The following MBOAT1 variants were observed in gnomAD, a reference collection of about 807,000 sequenced individuals.
MBOAT1 encodes membrane-bound glycerophospholipid O-acyltransferase 1.
MBOAT1 carries 67 observed loss-of-function variants against 64.4 expected under a neutral mutation model. The observed-to-expected ratio is 1.04, with a 90% CI of 0.85 to 1.27. The LOEUF (loss-of-function observed/expected upper bound fraction) is 1.27. Among genes scored for constraint, MBOAT1 ranks in the 50% most tolerant of loss-of-function variants. The pLI is 0.00. For synonymous variants in MBOAT1, 229 were observed against 218.9 expected (o/e 1.05, Z -0.41); for missense variants, 563 against 604.6 (o/e 0.93, Z 0.72).
At position 20,187,066 on chromosome 6, in the gene MBOAT1, C is replaced by T. The variant is rs141603882; in HGVS notation, c.99+25070G>A. The stretch of plus-strand genomic sequence containing the variant: ...TTTGACTACCATGACTTGCTCGTTC[C>T]GATATTAAAGTCCTCCCAAAGACAT... On this transcript the variant is annotated intron_variant, in intron 1 of 12. Coordinates refer to ENST00000324607, the MANE Select transcript of MBOAT1 (RefSeq NM_001080480.3). Among the ~76,000 whole-genome samples the T allele has an allele frequency of 1.2e-3, 177 of 152,248 alleles. 3 individuals are homozygous for T. The highest frequency in any genetic ancestry group is 3.7e-3 in the African/African-American group (153 of 41,542).
intron 1 of MBOAT1, among the ~76,000 whole-genome samples, chr6:20,160,353 T>G (rs1462091814): frequency 1.3e-5 from 2 of 152,176 alleles, no homozygotes; most frequent in Non-Finnish European, 2.9e-5. Flanking sequence ...TAGCAAATAT[T>G]AACGGTCCAA....
chr6:20,193,694 C>T (rs192873975), intron 1 of MBOAT1, among the ~76,000 whole-genome samples: 50 of 151,268 alleles, frequency 3.3e-4, no homozygotes, highest in Admixed American at 6.6e-4. Context: ...GCAACCTCTG[C>T]CTCCCGAGTT....
rs760030395 is a variant in MBOAT1 at position 20,144,223 on chromosome 6, G to GA, written c.415dup (p.Ser139PhefsTer20). Reference sequence around the variant, plus strand: ...CTCTCTAATGTAAGATACTTACCCAGAAAAATCCGTAGTGAGAATTCCATA... The same window carrying GA: ...CTCTCTAATGTAAGATACTTACCCAGAAAAAATCCGTAGTGAGAATTCCATA... On this transcript the variant is annotated frameshift_variant, in exon 4 of 13. Coordinates refer to ENST00000324607, the MANE Select transcript of MBOAT1 (RefSeq NM_001080480.3). LOFTEE classifies it high-confidence loss of function. 1.1e-5 allele frequency: 18 copies of GA among 1,606,812 alleles called. No homozygotes were observed. The Admixed American group carries it at 2.7e-4, about 24-fold the overall frequency.
chr6:20,211,162 G>A (rs1763405577), intron 1 of MBOAT1, among the ~76,000 whole-genome samples: 1 of 152,150 alleles, frequency 6.6e-6, no homozygotes, highest in Non-Finnish European at 1.5e-5. Context: ...AAATGTCCAG[G>A]TCTCACTTTC....
intron 4 of MBOAT1, among the ~76,000 whole-genome samples, chr6:20,142,249 C>A (rs1165584026): frequency 6.6e-6 from 1 of 152,128 alleles, no homozygotes; most frequent in South Asian, 2.1e-4. Context: ...GCATTCATTT[C>A]TTGACCACCT....
At chr6:20,211,018 C>A (rs753178249) in intron 1 of MBOAT1, among the ~76,000 whole-genome samples, 1 of 152,148 alleles carries the variant, frequency 6.6e-6, no homozygotes, top group African/African-American at 2.4e-5. Flanking sequence ...GCACCGAAAC[C>A]CTTCCCAAGT....
At chr6:20,131,575 C>T (rs1482270960) in intron 4 of MBOAT1, among the ~76,000 whole-genome samples, 2 of 152,072 alleles carry the variant, frequency 1.3e-5, no homozygotes, top group Non-Finnish European at 2.9e-5. Flanking sequence ...TATAAATTAC[C>T]GAGTCTTGGG....
Position 20,200,412 on chromosome 6 carries a change from T to C in MBOAT1, c.99+11724A>G, listed in dbSNP as rs539508543. 6.6e-5 allele frequency among the ~76,000 whole-genome samples: 10 copies of C among 152,300 alleles called. No individual in the cohort carries two copies. In the South Asian group the frequency reaches 1.0e-3, roughly 16 times the overall value. On this transcript the variant is annotated intron_variant, in intron 1 of 12. Coordinates refer to ENST00000324607, the MANE Select transcript of MBOAT1 (RefSeq NM_001080480.3). ...CCTTCTGCACTAAGGTTGAAGGTCT[T>C]GAAATTCCAGAGCCAAATTGGTCTT...
intron 1 of MBOAT1, among the ~76,000 whole-genome samples, chr6:20,195,242 C>T (rs566804885): frequency 7.4e-4 from 113 of 152,270 alleles, no homozygotes; most frequent in African/African-American, 2.6e-3. Context: ...CATGAGCCAC[C>T]GTGCCAGCCT....
intron 1 of MBOAT1, among the ~76,000 whole-genome samples, chr6:20,193,075 G>A (rs1030401055): frequency 3.0e-5 from 4 of 132,516 alleles, no homozygotes; most frequent in Admixed American, 9.0e-5. Context: ...GCGAGATCTC[G>A]GCTCACTGCA....
intron 1 of MBOAT1, among the ~76,000 whole-genome samples, chr6:20,162,821 AAC>A (rs1435525688): frequency 1.3e-5 from 2 of 152,184 alleles, no homozygotes; most frequent in East Asian, 3.9e-4. Flanking sequence ...CCTTTCCAAC[AAC>A]TGTTCTTTGA....
intron 1 of MBOAT1, among the ~76,000 whole-genome samples, chr6:20,208,941 C>T (rs1272193943): frequency 6.6e-6 from 1 of 152,188 alleles, no homozygotes; most frequent in Non-Finnish European, 1.5e-5. Context: ...ATTATCATAT[C>T]TGTTTTGGCA....
intron 1 of MBOAT1, among the ~76,000 whole-genome samples, chr6:20,179,059 C>A (rs375300322): frequency 1.4e-4 from 21 of 152,040 alleles, no homozygotes; most frequent in African/African-American, 4.6e-4. Context: ...TTAAGCCCAG[C>A]ATTCATTAGT....
chr6:20,137,323 A>G (rs978292020), intron 4 of MBOAT1, among the ~76,000 whole-genome samples: 2 of 152,186 alleles, frequency 1.3e-5, no homozygotes, highest in African/African-American at 4.8e-5. Context: ...ACCATGGCAA[A>G]AGGAAATAAG....
intron 1 of MBOAT1, among the ~76,000 whole-genome samples, chr6:20,190,081 G>A (rs912570226): frequency 2.0e-5 from 3 of 151,764 alleles, no homozygotes; most frequent in African/African-American, 4.8e-5. Context: ...TGCAACCTCC[G>A]CCTCCTGGGT....
At chr6:20,127,842 C>T (rs541750422) in intron 6 of MBOAT1, among the ~76,000 whole-genome samples, 18 of 152,232 alleles carry the variant, frequency 1.2e-4, no homozygotes, top group African/African-American at 3.1e-4. Context: ...CACCCGCAAC[C>T]CTGGGTCTGT....
intron 1 of MBOAT1, among the ~76,000 whole-genome samples, chr6:20,186,707 C>A (rs561079686): frequency 6.6e-6 from 1 of 152,320 alleles, no homozygotes; most frequent in South Asian, 2.1e-4. Flanking sequence ...GAGCTAAAAA[C>A]TGTATCTGGG....
intron 1 of MBOAT1, among the ~76,000 whole-genome samples, chr6:20,170,099 T>G (rs1762147120): frequency 6.6e-6 from 1 of 152,124 alleles, no homozygotes; most frequent in African/African-American, 2.4e-5. Flanking sequence ...CTTATCCCTC[T>G]CCTTTGAGGG....
chr6:20,108,703 T>G (rs925193182), intron 12 of MBOAT1, among the ~76,000 whole-genome samples: 1 of 152,262 alleles, frequency 6.6e-6, no homozygotes, highest in Admixed American at 6.5e-5. Context: ...TAGAAAAGCC[T>G]GTGCAACTCA....
Sources: gnomAD v4.1 joint callset for allele counts (sites outside exome capture counted in the v4.1 genomes callset) on GRCh38, gnomAD v4.1.1 for gene constraint, MANE v1.5 for transcripts, NCBI Gene and HGNC (gene_info 2026-07-23, HGNC 2026-07-21) for gene names.